The following KIAA1958 variants were observed in gnomAD, a reference collection of about 807,000 sequenced individuals.
KIAA1958 encodes the protein uncharacterized protein KIAA1958.
Under a neutral mutation model 47.2 loss-of-function variants are expected in KIAA1958, and 14 were observed. The observed-to-expected ratio is 0.30, with a 90% CI of 0.20 to 0.46. The LOEUF is 0.46. KIAA1958 is among the 20% of genes least tolerant of loss of function. KIAA1958 has a pLI of 1.00. For missense variants in KIAA1958, 803 were observed against 909.2 expected, an observed-to-expected ratio of 0.88 and a Z score of 1.50; for synonymous variants, 354 against 353.3, an observed-to-expected ratio of 1.00 and a Z score of -0.02.
chr9:112,537,885 GA>G (rs907106092), intron 1 of KIAA1958, among the ~76,000 whole-genome samples: 4 of 152,078 alleles, frequency 2.6e-5, no homozygotes, highest in African/African-American at 9.7e-5. Context: ...ATTAACAAAA[GA>G]AAAAAGTTGG....
At chr9:112,635,673 A>T (rs1378145035) in intron 2 of KIAA1958, among the ~76,000 whole-genome samples, 3 of 152,188 alleles carry the variant, frequency 2.0e-5, no homozygotes, top group Non-Finnish European at 4.4e-5. Context: ...GACATAATCA[A>T]GTTGTTCATA....
At chr9:112,570,871 G>T (rs1040515266) in intron 1 of KIAA1958, among the ~76,000 whole-genome samples, 1 of 152,248 alleles carries the variant, frequency 6.6e-6, no homozygotes, top group Non-Finnish European at 1.5e-5. Context: ...AAAGGCCTCA[G>T]AACCAGGGAA....
intron 1 of KIAA1958, among the ~76,000 whole-genome samples, chr9:112,536,415 A>G (rs905528148): frequency 6.6e-6 from 1 of 152,158 alleles, no homozygotes; most frequent in African/African-American, 2.4e-5. Context: ...AATATTTTAG[A>G]CTTTGCAGGC....
intron 2 of KIAA1958, among the ~76,000 whole-genome samples, chr9:112,617,064 C>A (rs191227436): frequency 3.0e-4 from 45 of 152,248 alleles, no homozygotes; most frequent in Admixed American, 6.5e-4. Flanking sequence ...CTTGGATGAT[C>A]CAAAACAGAA....
intron 1 of KIAA1958, among the ~76,000 whole-genome samples, chr9:112,561,799 G>A (rs1728324427): frequency 6.6e-6 from 1 of 152,220 alleles, no homozygotes; most frequent in South Asian, 2.1e-4. Flanking sequence ...AGGCTGCAGT[G>A]AGCCGAGATC....
At chr9:112,547,466 C>T (rs887632084) in intron 1 of KIAA1958, among the ~76,000 whole-genome samples, 19 of 151,600 alleles carry the variant, frequency 1.3e-4, no homozygotes, top group African/African-American at 3.4e-4. Flanking sequence ...CAAAGTTAAC[C>T]TGAAAAACTA....
rs79020200 is a variant in KIAA1958 at position 112,574,329 on chromosome 9, T to C, written c.249T>C (p.Asp83=). 1.1e-3 allele frequency: 1,788 copies of C among 1,614,162 alleles called. 19 individuals carry two copies. The African/African-American group carries it at 0.019, about 17-fold the overall frequency. ...AGGATAACAGAAGTTTTAACTCTGA[T>C]AGTCCCAGTATAATCGGGGTGCCCT... ...CFQDNRSFNS[D]SPSIIGVPSE... Residue 83 remains aspartate, a synonymous_variant, in exon 2 of 4, where the codon GAT becomes GAC. Coordinates refer to ENST00000337530, the MANE Select transcript of KIAA1958 (RefSeq NM_133465.4).
chr9:112,652,441 T>C lies in KIAA1958; in HGVS notation c.1344+6619T>C, dbSNP rs2131248641. Among the ~76,000 whole-genome samples, 3 of 152,326 alleles carry C rather than the reference T, an allele frequency of 2.0e-5. 1 individual carries two copies. The South Asian group carries it at 6.2e-4, about 32-fold the overall frequency. On this transcript the variant is annotated intron_variant, in intron 3 of 3. Coordinates refer to ENST00000337530, the MANE Select transcript of KIAA1958 (RefSeq NM_133465.4). ...ACAACACGGGCCAGAATGAACTGTT[T>C]CTTGTGTGCAAACAATATAAGTGTT...
intron 2 of KIAA1958, among the ~76,000 whole-genome samples, chr9:112,636,951 T>C (rs948873280): frequency 2.0e-5 from 3 of 152,244 alleles, no homozygotes; most frequent in African/African-American, 7.2e-5. Flanking sequence ...CAAGTCTTTT[T>C]TATCCCATTT....
intron 1 of KIAA1958, among the ~76,000 whole-genome samples, chr9:112,499,688 CTTTTTTT>C (rs917810043): frequency 3.8e-5 from 5 of 130,504 alleles, no homozygotes; most frequent in African/African-American, 5.7e-5. Context: ...ACATTTTTTT[CTTTTTTT>C]TTTTTTTTTT....
chr9:112,563,085 C>CTCTCTATATATATA (rs10655286), intron 1 of KIAA1958, among the ~76,000 whole-genome samples: 2 of 131,542 alleles, frequency 1.5e-5, no homozygotes, highest in Non-Finnish European at 3.1e-5. Flanking sequence ...CTCTCTCTCT[C>CTCTCTATATATATA]TATATATATA....
chr9:112,529,209 T>A (rs1213364784), intron 1 of KIAA1958, among the ~76,000 whole-genome samples: 1 of 152,236 alleles, frequency 6.6e-6, no homozygotes, highest in Non-Finnish European at 1.5e-5. Context: ...AGTACATATA[T>A]AATACATATT....
intron 2 of KIAA1958, among the ~76,000 whole-genome samples, chr9:112,616,218 G>A (rs1836406135): frequency 6.6e-6 from 1 of 152,184 alleles, no homozygotes; most frequent in Admixed American, 6.5e-5. Context: ...TAAGTGTATT[G>A]GAGCATAAAG....
chr9:112,557,098 AAC>A (rs1281194102), intron 1 of KIAA1958, among the ~76,000 whole-genome samples: 1 of 152,084 alleles, frequency 6.6e-6, no homozygotes, highest in Non-Finnish European at 1.5e-5. Context: ...AGCTGGGACT[AAC>A]GGCACGTACC....
chr9:112,571,455 G>A (rs938293589), intron 1 of KIAA1958, among the ~76,000 whole-genome samples: 2 of 152,108 alleles, frequency 1.3e-5, no homozygotes, highest in African/African-American at 2.4e-5. Context: ...ATTATGATGC[G>A]AACCCCTTCC....
rs141577937 is a variant in KIAA1958 at position 112,620,253 on chromosome 9, T to A, written c.1172-25397T>A. 5.0e-4 allele frequency among the ~76,000 whole-genome samples: 76 copies of A among 152,304 alleles called. 1 individual carries two copies. The highest frequency in any genetic ancestry group is 1.8e-3 in the African/African-American group (73 of 41,576). On this transcript the variant is annotated intron_variant, in intron 2 of 3. Transcript: ENST00000337530. Reference sequence around the variant, plus strand: ...GAGCCACAATAAAGCTGAGCTAGGTTCCTATTCTGTATAATCAGCAACACA... The same window carrying A: ...GAGCCACAATAAAGCTGAGCTAGGTACCTATTCTGTATAATCAGCAACACA...
At chr9:112,500,625 A>G (rs571101430) in intron 1 of KIAA1958, among the ~76,000 whole-genome samples, 1 of 152,286 alleles carries the variant, frequency 6.6e-6, no homozygotes, top group African/African-American at 2.4e-5. Flanking sequence ...CCTGTTAATC[A>G]TCAAATAGAT....
Position 112,660,152 on chromosome 9 carries a change from G to T in KIAA1958, c.*83G>T. 8.6e-6 allele frequency: 11 copies of T among 1,279,464 alleles called. No individual in the cohort carries two copies. The highest frequency in any genetic ancestry group is 1.8e-5 in the Admixed American group (1 of 54,098). The allele number at this position is 1,279,464 out of a possible 1,614,324, so 79.3% of individuals were successfully genotyped here. On this transcript the variant is annotated 3_prime_UTR_variant, in exon 4 of 4. Transcript: ENST00000337530. ...GCAGCTGGAGCTCCTTGGAGGCAGG[G>T]GCTGACCAGGTGTGACCTCCCGGTC...
chr9:112,600,862 A>C (rs1016378235), intron 2 of KIAA1958, among the ~76,000 whole-genome samples: 1 of 152,210 alleles, frequency 6.6e-6, no homozygotes, highest in Non-Finnish European at 1.5e-5. Flanking sequence ...TATATGTCCA[A>C]CACTGAGCTA....
Sources: gnomAD v4.1 joint callset for allele counts (sites outside exome capture counted in the v4.1 genomes callset) on GRCh38, gnomAD v4.1.1 for gene constraint, MANE v1.5 for transcripts, NCBI Gene and HGNC (gene_info 2026-07-23, HGNC 2026-07-21) for gene names.